The following BTF3L4 variants were observed in gnomAD, a reference collection of about 807,000 sequenced individuals.
BTF3L4 encodes the protein basic transcription factor 3 like 4.
Under a neutral mutation model 16.8 loss-of-function variants are expected in BTF3L4, and 6 were observed. The ratio of observed to expected loss-of-function variants is 0.36; its 90% CI spans 0.20 to 0.71. The LOEUF (loss-of-function observed/expected upper bound fraction) is 0.71. Ranked by LOEUF, BTF3L4 falls within the 30% of genes least tolerant of loss-of-function variation. The pLI is 0.58. For missense variants in BTF3L4, 92 were observed against 186.9 expected (o/e 0.49, Z 2.96); for synonymous variants, 39 against 59.8 (o/e 0.65, Z 1.60).
At chr1:52,073,516 A>ACACACG (rs1276590227) in intron 3 of BTF3L4, among the ~76,000 whole-genome samples, 3 of 150,738 alleles carry the variant, frequency 2.0e-5, no homozygotes, top group Non-Finnish European at 4.4e-5. Flanking sequence ...ACACACACAC[A>ACACACG]CACACACACA....
intron 3 of BTF3L4, among the ~76,000 whole-genome samples, chr1:52,079,859 TTTCTTTTC>T (rs765390409): frequency 7.4e-6 from 1 of 135,636 alleles, no homozygotes; most frequent in Non-Finnish European, 1.5e-5. Flanking sequence ...GAATTTTCTT[TTTCTTTTC>T]TTTTCTTTTT....
intron 4 of BTF3L4, among the ~76,000 whole-genome samples, chr1:52,085,366 T>G (rs1322031898): frequency 6.6e-6 from 1 of 151,076 alleles, no homozygotes; most frequent in Non-Finnish European, 1.5e-5. Flanking sequence ...TTTGTTTGTT[T>G]GTTTTTTTGT....
intron 3 of BTF3L4, among the ~76,000 whole-genome samples, chr1:52,073,159 C>G (rs1171789125): frequency 1.3e-5 from 2 of 151,984 alleles, no homozygotes; most frequent in Non-Finnish European, 2.9e-5. Flanking sequence ...TGGTGCACAC[C>G]TGTAATCCTA....
At chr1:52,062,668 A>G (rs1480442508) in intron 2 of BTF3L4, among the ~76,000 whole-genome samples, 1 of 152,196 alleles carries the variant, frequency 6.6e-6, no homozygotes, top group Non-Finnish European at 1.5e-5. Context: ...AATGACTGCC[A>G]TTTTAGAAAG....
intron 4 of BTF3L4, among the ~76,000 whole-genome samples, chr1:52,085,350 GTTTT>G (rs1177269568): frequency 1.4e-5 from 2 of 147,066 alleles, no homozygotes; most frequent in Non-Finnish European, 3.0e-5. Context: ...TTGTTGCTTG[GTTTT>G]TTTTGTTTGT....
intron 2 of BTF3L4, chr1:52,060,688 G>A (rs1393129153): frequency 1.1e-6 from 1 of 925,460 alleles, no homozygotes; most frequent in Non-Finnish European, 1.3e-6. Flanking sequence ...TTTGTAGTGG[G>A]TCCCACTGTG....
At chr1:52,083,720 T>C (rs1209755211) in intron 4 of BTF3L4, among the ~76,000 whole-genome samples, 179 bp downstream of exon 4, 2 of 152,102 alleles carry the variant, frequency 1.3e-5, no homozygotes, top group East Asian at 1.9e-4. Flanking sequence ...GTGTGACATA[T>C]AGAATATTCA....
At chr1:52,056,558 G>C (rs1686361614) in intron 1 of BTF3L4, among the ~76,000 whole-genome samples, 179 bp downstream of exon 1, 1 of 152,238 alleles carries the variant, frequency 6.6e-6, no homozygotes, top group Admixed American at 6.5e-5. Context: ...GCTGGGGGTC[G>C]GCACCTGTGG....
chr1:52,079,737 T>C (rs573632443), intron 3 of BTF3L4, among the ~76,000 whole-genome samples: 1 of 152,306 alleles, frequency 6.6e-6, no homozygotes, highest in African/African-American at 2.4e-5. Context: ...TCTTGTTTTG[T>C]AGCCAATAAG....
At chr1:52,075,276 G>A (rs550991085) in intron 3 of BTF3L4, among the ~76,000 whole-genome samples, 73 of 151,034 alleles carry the variant, frequency 4.8e-4, no homozygotes, top group African/African-American at 1.6e-3. Context: ...TCTCTGGGCC[G>A]GGCGCGGTGG....
intron 3 of BTF3L4, among the ~76,000 whole-genome samples, chr1:52,072,088 T>C (rs1394070493): frequency 6.6e-6 from 1 of 151,086 alleles, no homozygotes; most frequent in Non-Finnish European, 1.5e-5. Context: ...GCAGTCTCGC[T>C]CTTTTGCCCA....
chr1:52,057,786 CTG>C (rs1235842947), intron 1 of BTF3L4, among the ~76,000 whole-genome samples: 1 of 152,206 alleles, frequency 6.6e-6, no homozygotes, highest in Non-Finnish European at 1.5e-5. Flanking sequence ...TCATTTTTCT[CTG>C]AGATACTCCT....
At position 52,090,314 on chromosome 1, in the gene BTF3L4, G is replaced by C. The variant is rs532450617; in HGVS notation, c.*3556G>C. On this transcript the variant is annotated 3_prime_UTR_variant, in exon 6 of 6. Transcript: ENST00000313334. ...GGTGAAGGTAGAAGATGATTAAAGC[G>C]TGTTATCTCCTAAGCTATGGCTTAG... is the stretch of plus-strand genomic sequence containing the variant. The C allele has an allele frequency of 1.3e-5, 2 of 152,260 alleles. No individual in the cohort carries two copies. The highest frequency in any genetic ancestry group is 1.3e-4 in the Admixed American group (2 of 15,286). The allele number at this position is 152,260 out of a possible 1,614,324, so 9.4% of individuals were successfully genotyped here.
chr1:52,073,448 ACACTATATATATG>A lies in BTF3L4; in HGVS notation c.168+8538_168+8550del, dbSNP rs1187969419. On this transcript the variant is annotated intron_variant, in intron 3 of 5. Transcript: ENST00000313334. ...TATTTAATCTTTCCCATCTTTATGT[ACACTATATATATG>A]CACTATATATATGCACTATATATAT... Among the ~76,000 whole-genome samples, 270 of 150,906 alleles carry A rather than the reference ACACTATATATATG, an allele frequency of 1.8e-3. 1 individual carries two copies. Among genetic ancestry groups the A allele is most frequent in the African/African-American group, 4.7e-3 (195 of 41,090 alleles).
rs1163826033 is a variant in BTF3L4, at chr1:52,088,467, G to A, written c.*1709G>A. 2 of 152,542 alleles carry A rather than the reference G, an allele frequency of 1.3e-5. No homozygotes were observed. The highest frequency in any genetic ancestry group is 4.8e-5 in the African/African-American group (2 of 41,420). 9.4% of individuals were successfully genotyped at this position (152,542 alleles called of 1,614,324 possible). On this transcript the variant is annotated 3_prime_UTR_variant, in exon 6 of 6. Transcript: ENST00000313334. ...TATATTATTCCTCTACCCTCCACCT[G>A]TAAATGAATGTTAGTGCAGTAATTG...
intron 3 of BTF3L4, among the ~76,000 whole-genome samples, chr1:52,069,830 C>T (rs564084552): frequency 6.6e-6 from 1 of 152,186 alleles, no homozygotes; most frequent in Non-Finnish European, 1.5e-5. Context: ...ACTGTCAGTA[C>T]TGAATGTCAC....
intron 1 of BTF3L4, among the ~76,000 whole-genome samples, chr1:52,059,219 G>A (rs575163639): frequency 1.3e-5 from 2 of 152,306 alleles, no homozygotes; most frequent in Non-Finnish European, 2.9e-5. Flanking sequence ...GGAGAGTGCT[G>A]CAGAAGCACC....
intron 2 of BTF3L4, among the ~76,000 whole-genome samples, chr1:52,062,086 G>A (rs1289915830): frequency 2.0e-5 from 3 of 151,282 alleles, no homozygotes; most frequent in Non-Finnish European, 2.9e-5. Context: ...ATAGGCACCC[G>A]CCAGCATGCC....
Position 52,081,444 on chromosome 1 carries a change from C to T in BTF3L4, c.169-1896C>T, listed in dbSNP as rs12406048. ...TGGCCTGAAATCCTCTTTTAAACCA[C>T]GTGATTTGGTCTTGATTTGAAAAAT... On this transcript the variant is annotated intron_variant, in intron 3 of 5. Coordinates refer to ENST00000313334, the MANE Select transcript of BTF3L4 (RefSeq NM_152265.5). Among the ~76,000 whole-genome samples, 1,368 of 152,200 alleles carry T rather than the reference C, an allele frequency of 9.0e-3. 15 individuals are homozygous for T. The highest frequency in any genetic ancestry group is 0.013 in the Admixed American group (202 of 15,284).
Sources: gnomAD v4.1 joint callset for allele counts (sites outside exome capture counted in the v4.1 genomes callset) on GRCh38, gnomAD v4.1.1 for gene constraint, MANE v1.5 for transcripts, NCBI Gene and HGNC (gene_info 2026-07-23, HGNC 2026-07-21) for gene names.